Variants in LRRC71 observed in about 807,000 individuals in gnomAD.
LRRC71 encodes leucine rich repeat containing 71.
In LRRC71, 54 loss-of-function variants were observed where a neutral mutation model predicts 66.6. The observed-to-expected ratio is 0.81, with a 90% CI of 0.65 to 1.02. The LOEUF (loss-of-function observed/expected upper bound fraction) is 1.02, where lower values mean the gene tolerates loss of function less well. LRRC71 is among the 50% of genes least tolerant of loss of function. The probability of loss-of-function intolerance (pLI) is 0.00; values close to 1 mark genes in which losing one functional copy is unlikely to be tolerated. For missense variants in LRRC71, 724 were observed against 718.0 expected, an observed-to-expected ratio of 1.01 and a Z score of -0.10; for synonymous variants, 323 against 303.9, an observed-to-expected ratio of 1.06 and a Z score of -0.65.
chr1:156,934,472 C>T (rs185582997), downstream of LRRC71, among the ~76,000 whole-genome samples: 21 of 152,146 alleles, frequency 1.4e-4, no homozygotes, highest in Admixed American at 9.2e-4. Flanking sequence ...TCATTGAGGG[C>T]AGCTCATGAG....
Position 156,929,314 on chromosome 1 carries a change from A to G in LRRC71, c.1031A>G (p.Asp344Gly). The G allele has an allele frequency of 3.1e-6, 5 of 1,610,926 alleles. No individual in the cohort carries two copies. Among genetic ancestry groups the G allele is most frequent in the Non-Finnish European group, 3.4e-6 (4 of 1,178,488 alleles). The change falls in exon 10 of 15, where the codon GAC (aspartate) becomes GGC (glycine). Residue 344 changes from aspartate to glycine, a missense_variant. Transcript: ENST00000337428. ...TCTCGACACGGGGACTCCAAAACGG[A>G]CCGTGAGAAGAGTCAGATGGTAGGG... Reference protein sequence around the residue: ...SSSRHGDSKTDREKSQMVGIS... With the variant: ...SSSRHGDSKTGREKSQMVGIS...
At chr1:156,925,200 G>T (rs148885197) in intron 5 of LRRC71, among the ~76,000 whole-genome samples, 185 bp downstream of exon 5, 1 of 152,136 alleles carries the variant, frequency 6.6e-6, no homozygotes, top group Admixed American at 6.5e-5. Context: ...AGCCAGGTCC[G>T]CTTTTCTGCC....
rs1571014688 is a variant in LRRC71 at position 156,920,791 on chromosome 1, G to A, written c.-13G>A. On this transcript the variant is annotated 5_prime_UTR_variant, in exon 1 of 15. Coordinates refer to ENST00000337428, the MANE Select transcript of LRRC71 (RefSeq NM_144702.3). This position sits in a 1 kb window ranked among gnomAD's most constrained non-coding sequence, Gnocchi z 4.9. ...CCGACGAAGGTCCCAGAGACGCTGC[G>A]GACAACACCAGCATGTCGAGCGAGC... The A allele has an allele frequency of 2.0e-6, 3 of 1,499,860 alleles. No individual in the cohort carries two copies. The highest frequency in any genetic ancestry group is 5.1e-5 in the East Asian group (2 of 38,988). 92.9% of individuals were successfully genotyped at this position (1,499,860 alleles called of 1,614,324 possible).
At chr1:156,938,629 GGAA>G in the LRRC71 span, 3 of 860,934 alleles carry the variant, frequency 3.5e-6, no homozygotes, top group Non-Finnish European at 5.5e-6. Context: ...GGAGAAAATG[GGAA>G]GAACAAGGTG....
At chr1:156,931,017 C>T (rs527587392) in intron 12 of LRRC71, among the ~76,000 whole-genome samples, 2 of 152,308 alleles carry the variant, frequency 1.3e-5, no homozygotes, top group African/African-American at 2.4e-5. Context: ...CTCAGCAGCT[C>T]CCTGAGGAAG....
Position 156,932,950 on chromosome 1 carries a change from C to T in LRRC71, c.1661C>T (p.Ala554Val), listed in dbSNP as rs933082195. Residue 554 changes from alanine (A) to valine (V), a missense_variant, in exon 15 of 15, where the codon GCC (alanine) becomes GTC (valine). Transcript: ENST00000337428. ...PIKAKLREDE[A>V]MAFFP ...AAGGCCAAACTCAGGGAGGATGAGG[C>T]CATGGCATTCTTCCCCTAGCCCCCT... 6.3e-7 allele frequency: 1 copy of T among 1,577,976 alleles called. No homozygotes were observed. Among genetic ancestry groups the T allele is most frequent in the African/African-American group, 1.3e-5 (1 of 74,078 alleles).
At chr1:156,934,191 A>G (rs1025985100), downstream of LRRC71, among the ~76,000 whole-genome samples, 1 of 151,844 alleles carries the variant, frequency 6.6e-6, no homozygotes, top group African/African-American at 2.4e-5. Flanking sequence ...ATCACTAATG[A>G]CTCCTGTATC....
At chr1:156,934,843 A>G (rs1458227970), downstream of LRRC71, 1 of 151,686 alleles carries the variant, frequency 6.6e-6, no homozygotes, top group East Asian at 1.9e-4. Flanking sequence ...CCACCACTGA[A>G]GGATATTTAA....
downstream of LRRC71, among the ~76,000 whole-genome samples, chr1:156,936,595 A>G (rs1377320855): frequency 2.7e-5 from 4 of 149,970 alleles, no homozygotes; most frequent in African/African-American, 4.9e-5. Flanking sequence ...CCATAGCACA[A>G]GGAAAAAGAG....
At chr1:156,938,983 G>A in the LRRC71 span, 19 of 184,818 alleles carry the variant, frequency 1.0e-4, no homozygotes, top group African/African-American at 1.9e-4. Context: ...TCTCAAGGCC[G>A]TCCATGGTGT....
In LRRC71 at chr1:156,920,709, C is replaced by T. The variant is rs141256165; in HGVS notation, c.-95C>T. The T allele has an allele frequency of 7.2e-3, 9,479 of 1,322,112 alleles. 40 individuals are homozygous for T. Among genetic ancestry groups the T allele is most frequent in the Middle Eastern group, 9.3e-3 (33 of 3,556 alleles). 81.9% of individuals were successfully genotyped at this position (1,322,112 alleles called of 1,614,324 possible). A position where few individuals can be genotyped will look rare whatever the true frequency, so the allele number is the denominator to read the frequency against. The stretch of plus-strand genomic sequence containing the variant: ...GGTCCCTGGACGCGGAACAGAGATC[C>T]CCTGATTCAGCCACCCCCAGACTGA... On this transcript the variant is annotated 5_prime_UTR_variant, in exon 1 of 15. Coordinates refer to ENST00000337428, the MANE Select transcript of LRRC71 (RefSeq NM_144702.3). This position sits in a 1 kb window ranked among gnomAD's most constrained non-coding sequence, Gnocchi z 4.9.
downstream of LRRC71, chr1:156,936,683 A>G (rs576615985): frequency 9.5e-5 from 101 of 1,066,388 alleles, no homozygotes; most frequent in African/African-American, 1.4e-3. Context: ...TGAAGCTGAG[A>G]GAATGAACTC....
Position 156,927,705 on chromosome 1 carries a change from G to A in LRRC71, c.823-28G>A, listed in dbSNP as rs756665951. ...TGCTGGGAGCAGGGGCGGCTTGGGC[G>A]GCTCACGCGTCCCTGCCCGCCTCTT... is the stretch of plus-strand genomic sequence containing the variant. On this transcript the variant is annotated intron_variant, in intron 7 of 14. Coordinates refer to ENST00000337428, the MANE Select transcript of LRRC71 (RefSeq NM_144702.3). The A allele has an allele frequency of 4.4e-6, 7 of 1,605,894 alleles. No homozygotes were observed. The African/African-American group carries it at 5.3e-5, about 12-fold the overall frequency.
At chr1:156,932,114 G>A in intron 13 of LRRC71, 87 bp downstream of exon 13, 1 of 1,065,756 alleles carries the variant, frequency 9.4e-7, no homozygotes, top group Admixed American at 2.0e-5. Flanking sequence ...ACTCTATGGA[G>A]CAGAGCTGGT....
chr1:156,936,491 A>ATATATAT (rs1553192701), downstream of LRRC71, among the ~76,000 whole-genome samples: 11 of 71,382 alleles, frequency 1.5e-4, no homozygotes, highest in African/African-American at 5.5e-4. Context: ...AAAAAAAAAA[A>ATATATAT]AAAAAAATAT....
At chr1:156,928,411 T>TTATTCCTCC (rs1360744437) in intron 9 of LRRC71, among the ~76,000 whole-genome samples, 3 of 122,372 alleles carry the variant, frequency 2.5e-5, no homozygotes, top group African/African-American at 1.0e-4. Flanking sequence ...CTTCTTCCTC[T>TTATTCCTCC]TATTCCTCCT....
At chr1:156,928,357 TTCTTCC>T (rs1378674782) in intron 9 of LRRC71, among the ~76,000 whole-genome samples, 86 of 142,276 alleles carry the variant, frequency 6.0e-4, no homozygotes, top group African/African-American at 1.9e-3. Context: ...CTTTCTCTTC[TTCTTCC>T]TCTTCTTCTT....
In LRRC71 at chr1:156,920,722, AC is replaced by A; in HGVS notation, c.-77del. The A allele has an allele frequency of 1.5e-6, 2 of 1,343,058 alleles. No individual in the cohort carries two copies. The highest frequency in any genetic ancestry group is 1.9e-6 in the Non-Finnish European group (2 of 1,041,446). The allele number at this position is 1,343,058 out of a possible 1,614,324, so 83.2% of individuals were successfully genotyped here. ...GGAACAGAGATCCCCTGATTCAGCC[AC>A]CCCCAGACTGAGCCCCGTAGAGTGC... On this transcript the variant is annotated 5_prime_UTR_variant, in exon 1 of 15. Transcript: ENST00000337428. The surrounding 1 kb of genome is among the most constrained non-coding windows in gnomAD (Gnocchi z 4.9).
Position 156,924,058 on chromosome 1 carries a change from C to G in LRRC71, c.270C>G (p.Pro90=). ...KVVNRPRPHP[P]FVPSASLSEK... ...TCAACCGGCCCCGCCCCCACCCGCCCTTCGTCCCCTCCGCCTCTTTGTCGG... is the reference window on the plus strand; with the variant it reads ...TCAACCGGCCCCGCCCCCACCCGCCGTTCGTCCCCTCCGCCTCTTTGTCGG... Residue 90 remains proline, a synonymous_variant, in exon 2 of 15, where the codon CCC becomes CCG. Coordinates refer to ENST00000337428, the MANE Select transcript of LRRC71 (RefSeq NM_144702.3). 6.5e-7 allele frequency: 1 copy of G among 1,528,242 alleles called. No homozygotes were observed. The highest frequency in any genetic ancestry group is 8.9e-7 in the Non-Finnish European group (1 of 1,127,388). 94.7% of individuals were successfully genotyped at this position (1,528,242 alleles called of 1,614,324 possible).
Sources: allele counts gnomAD v4.1 joint callset (sites outside exome capture counted in the v4.1 genomes callset), GRCh38; gene constraint gnomAD v4.1.1; non-coding constraint Gnocchi (gnomAD v3.1); transcripts MANE v1.5; gene names NCBI Gene and HGNC (gene_info 2026-07-23, HGNC 2026-07-21).